PITPNC1: variants seen among roughly 807,000 people sequenced by gnomAD.
PITPNC1 encodes the protein cytoplasmic phosphatidylinositol transfer protein 1.
Under a neutral mutation model 44.7 loss-of-function variants are expected in PITPNC1, and 18 were observed. The observed-to-expected ratio is 0.40, with a 90% confidence interval of 0.28 to 0.60. PITPNC1 has a LOEUF of 0.60. Ranked by LOEUF, PITPNC1 falls within the 20% of genes least tolerant of loss-of-function variation. The pLI, the probability that PITPNC1 is intolerant of heterozygous loss-of-function variation, is 0.39. For missense variants in PITPNC1, 290 were observed against 418.4 expected (o/e 0.69, Z 2.68); for synonymous variants, 141 against 149.6 (o/e 0.94, Z 0.42).
chr17:67,684,063 T>TA (rs1356280693), intron 8 of PITPNC1, among the ~76,000 whole-genome samples: 3 of 150,844 alleles, frequency 2.0e-5, no homozygotes, highest in African/African-American at 7.3e-5. Flanking sequence ...ATCTTCTCCT[T>TA]ACCAATTCCA....
At chr17:67,567,420 C>T (rs943694449) in intron 4 of PITPNC1, among the ~76,000 whole-genome samples, 3 of 151,590 alleles carry the variant, frequency 2.0e-5, no homozygotes, top group Non-Finnish European at 2.9e-5. Context: ...GGAGGCAGAG[C>T]GTGCAGTGAG....
At chr17:67,541,295 C>T (rs1031128756) in intron 2 of PITPNC1, among the ~76,000 whole-genome samples, 4 of 152,260 alleles carry the variant, frequency 2.6e-5, no homozygotes, top group South Asian at 2.1e-4. Flanking sequence ...TTTGGAATTA[C>T]AGGCCATTTT....
At chr17:67,641,930 T>C (rs1237146253) in intron 6 of PITPNC1, among the ~76,000 whole-genome samples, 1 of 152,176 alleles carries the variant, frequency 6.6e-6, no homozygotes, top group African/African-American at 2.4e-5. Flanking sequence ...AGATATATTT[T>C]GAGAGTTGTT....
At chr17:67,537,371 T>C (rs2040544275) in intron 2 of PITPNC1, among the ~76,000 whole-genome samples, 1 of 152,076 alleles carries the variant, frequency 6.6e-6, no homozygotes, top group Non-Finnish European at 1.5e-5. Flanking sequence ...TTGGGTACAA[T>C]CCATATAGAA....
intron 6 of PITPNC1, among the ~76,000 whole-genome samples, chr17:67,653,852 T>G (rs2042235006): frequency 6.6e-6 from 1 of 152,222 alleles, no homozygotes; most frequent in Non-Finnish European, 1.5e-5. Flanking sequence ...AAGGACAGCG[T>G]ATGCCTCTGT....
intron 8 of PITPNC1, among the ~76,000 whole-genome samples, chr17:67,687,710 C>T (rs2042842089): frequency 6.6e-6 from 1 of 152,124 alleles, no homozygotes. Flanking sequence ...TCTGTGCAGA[C>T]ACACAGGCTG....
intron 1 of PITPNC1, among the ~76,000 whole-genome samples, chr17:67,418,629 C>T (rs1400820890): frequency 3.3e-5 from 5 of 151,820 alleles, no homozygotes; most frequent in Admixed American, 6.6e-5. Context: ...TGTCTTGTCT[C>T]GGCTCACTGC....
chr17:67,378,232 C>T, intron 1 of PITPNC1, 30 bp downstream of exon 1: 2 of 1,429,770 alleles, frequency 1.4e-6, no homozygotes, highest in Non-Finnish European at 1.9e-6. Flanking sequence ...CGGCCTCGCC[C>T]GCTCCGGGAC....
intron 1 of PITPNC1, among the ~76,000 whole-genome samples, chr17:67,419,748 A>C (rs919410193): frequency 2.0e-5 from 3 of 152,202 alleles, no homozygotes; most frequent in Admixed American, 2.0e-4. Flanking sequence ...TCTACTAAAA[A>C]TACAAAAATT....
chr17:67,480,561 C>T (rs1158237353), intron 1 of PITPNC1, among the ~76,000 whole-genome samples: 3 of 151,880 alleles, frequency 2.0e-5, no homozygotes, highest in Non-Finnish European at 4.4e-5. Context: ...GGAAAAATGT[C>T]AACATATTAA....
At chr17:67,405,020 G>A (rs1343318079) in intron 1 of PITPNC1, among the ~76,000 whole-genome samples, 1 of 152,154 alleles carries the variant, frequency 6.6e-6, no homozygotes, top group East Asian at 1.9e-4. Context: ...GCCGAGGCAG[G>A]CAGATCACCT....
intron 1 of PITPNC1, among the ~76,000 whole-genome samples, chr17:67,415,380 C>T (rs907725255): frequency 2.6e-5 from 4 of 152,178 alleles, no homozygotes; most frequent in African/African-American, 7.2e-5. Context: ...TTGTAAGTTT[C>T]CTAACAAGAC....
intron 1 of PITPNC1, among the ~76,000 whole-genome samples, chr17:67,386,261 G>C (rs2143789317): frequency 6.6e-6 from 1 of 152,276 alleles, no homozygotes; most frequent in East Asian, 1.9e-4. Context: ...GCGCTATCGC[G>C]GCTCACTGCA....
At chr17:67,534,311 C>T (rs577111373) in intron 2 of PITPNC1, among the ~76,000 whole-genome samples, 1 of 152,176 alleles carries the variant, frequency 6.6e-6, no homozygotes, top group South Asian at 2.1e-4. Flanking sequence ...TTTCTGAAAC[C>T]TTCGGAATAT....
chr17:67,380,276 T>C (rs1249132698), intron 1 of PITPNC1, among the ~76,000 whole-genome samples: 2 of 152,098 alleles, frequency 1.3e-5, no homozygotes, highest in Admixed American at 6.6e-5. Context: ...GGTTTCACCA[T>C]GTTGGCCAGG....
At chr17:67,497,605 GCAGTCTCGACCTCCTAGGCT>G (rs1282245609) in intron 1 of PITPNC1, among the ~76,000 whole-genome samples, 1 of 131,678 alleles carries the variant, frequency 7.6e-6, no homozygotes, top group Admixed American at 9.3e-5. Context: ...ATGGCTCACT[GCAGTCTCGACCTCCTAGGCT>G]CAAGCGAACC....
intron 5 of PITPNC1, among the ~76,000 whole-genome samples, chr17:67,586,938 G>A (rs2041326190): frequency 6.6e-6 from 1 of 152,168 alleles, no homozygotes; most frequent in African/African-American, 2.4e-5. Context: ...AGAGGATAAA[G>A]AGGGGAGGAA....
At chr17:67,533,424 T>C (rs1278805410) in intron 2 of PITPNC1, among the ~76,000 whole-genome samples, 2 of 152,148 alleles carry the variant, frequency 1.3e-5, no homozygotes, top group Non-Finnish European at 2.9e-5. Flanking sequence ...ATCTTAAGAA[T>C]TCAAGAGCCT....
intron 1 of PITPNC1, among the ~76,000 whole-genome samples, chr17:67,445,208 T>G (rs2039078339): frequency 6.6e-6 from 1 of 152,050 alleles, no homozygotes; most frequent in African/African-American, 2.4e-5. Context: ...TGGGTTCAGT[T>G]AATGAAAACT....
Sources: allele counts gnomAD v4.1 joint callset (sites outside exome capture counted in the v4.1 genomes callset), GRCh38; gene constraint gnomAD v4.1.1; transcripts MANE v1.5; gene names NCBI Gene and HGNC (gene_info 2026-07-23, HGNC 2026-07-21).